The following GSE1 variants were observed in gnomAD, a reference collection of about 807,000 sequenced individuals.
The protein encoded by GSE1 is genetic suppressor element 1.
GSE1 carries 32 observed loss-of-function variants against 112.6 expected under a neutral mutation model. The observed-to-expected ratio is 0.28, with a 90% confidence interval of 0.21 to 0.38. GSE1 has a LOEUF of 0.38. Among genes scored for constraint, GSE1 ranks in the 10% least tolerant of loss-of-function variants. The probability of loss-of-function intolerance (pLI) is 1.00; values close to 1 mark genes in which losing one functional copy is unlikely to be tolerated. For missense variants in GSE1, 2,348 were observed against 1,699.2 expected (o/e 1.38, Z -6.71); for synonymous variants, 1,115 against 735.6 (o/e 1.52, Z -8.35).
chr16:85,507,443 C>T (rs2151924805), intron 2 of GSE1, among the ~76,000 whole-genome samples: 1 of 152,356 alleles, frequency 6.6e-6, no homozygotes, highest in South Asian at 2.1e-4. Flanking sequence ...TTTGGGACCG[C>T]AGGGTTACTC....
chr16:85,397,115 C>T (rs1359356586), intron 2 of GSE1, among the ~76,000 whole-genome samples: 1 of 152,206 alleles, frequency 6.6e-6, no homozygotes, highest in Non-Finnish European at 1.5e-5. Flanking sequence ...GCCCCCTTGC[C>T]CCTGTCCCCC....
At chr16:85,238,910 G>T (rs1352086685) in intron 1 of GSE1, among the ~76,000 whole-genome samples, 3 of 152,058 alleles carry the variant, frequency 2.0e-5, no homozygotes, top group African/African-American at 7.2e-5. Context: ...GCACACCCGG[G>T]CCTGGGGAGG....
At chr16:85,473,158 TATTTGCTGGTCACTGACTGCACC>T (rs1319317415) in intron 2 of GSE1, among the ~76,000 whole-genome samples, 1 of 152,244 alleles carries the variant, frequency 6.6e-6, no homozygotes, top group Non-Finnish European at 1.5e-5. Context: ...TTCCACGGCC[TATTTGCTGGTCACTGACTGCACC>T]ATTTGCTGTC....
chr16:85,287,412 G>A (rs918277127), intron 1 of GSE1, among the ~76,000 whole-genome samples: 16 of 152,078 alleles, frequency 1.1e-4, no homozygotes, highest in Admixed American at 2.0e-4. Flanking sequence ...ATGTCCCTAC[G>A]GTGACTGACA....
At chr16:85,267,238 C>T (rs922071265) in intron 1 of GSE1, among the ~76,000 whole-genome samples, 6 of 152,204 alleles carry the variant, frequency 3.9e-5, no homozygotes, top group African/African-American at 1.4e-4. Flanking sequence ...CCCTCCCCAT[C>T]GGGGTGCCCA....
At chr16:85,585,511 TTGGCACGTGGTTGCC>T (rs2046650993) in intron 1 of GSE1, among the ~76,000 whole-genome samples, 1 of 152,252 alleles carries the variant, frequency 6.6e-6, no homozygotes, top group Non-Finnish European at 1.5e-5. Context: ...AACACTCGCT[TTGGCACGTGGTTGCC>T]TTTGGGGTGT....
chr16:85,236,433 A>G (rs1904672896), intron 1 of GSE1, among the ~76,000 whole-genome samples: 1 of 152,206 alleles, frequency 6.6e-6, no homozygotes, highest in South Asian at 2.1e-4. Flanking sequence ...AAACTCTGAG[A>G]CTTGGGGTCC....
At chr16:85,403,355 A>C (rs923240833) in intron 2 of GSE1, among the ~76,000 whole-genome samples, 1 of 152,200 alleles carries the variant, frequency 6.6e-6, no homozygotes, top group Non-Finnish European at 1.5e-5. Context: ...GGGGCCACCC[A>C]GGGGCATGAC....
chr16:85,181,397 A>G (rs770521126), intron 1 of GSE1, among the ~76,000 whole-genome samples: 104 of 152,346 alleles, frequency 6.8e-4, no homozygotes, highest in Non-Finnish European at 1.2e-3. Flanking sequence ...GAGAGTGGCC[A>G]GTCCAATGCC....
In GSE1 at chr16:85,673,829, A is replaced by T. The variant is rs895423653; in HGVS notation, c.*1290A>T. 6.6e-6 allele frequency: 1 copy of T among 152,166 alleles called. No homozygotes were observed. Among genetic ancestry groups the T allele is most frequent in the Non-Finnish European group, 1.5e-5 (1 of 68,028 alleles). The allele number at this position is 152,166 out of a possible 1,614,324, so 9.4% of individuals were successfully genotyped here. A position where few individuals can be genotyped will look rare whatever the true frequency, so the allele number is the denominator to read the frequency against. ...TTAAAAACCTTTCAGGAAGTCAATG[A>T]TTTCTGTGATTGATATAATTCTAAG... On this transcript the variant is annotated 3_prime_UTR_variant, in exon 16 of 16. Transcript: ENST00000253458.
Position 85,419,645 on chromosome 16 carries a change from T to C in GSE1, c.2464+62002T>C, listed in dbSNP as rs2048783698. 6.6e-6 allele frequency among the ~76,000 whole-genome samples: 1 copy of C among 151,962 alleles called. No individual in the cohort carries two copies. The highest frequency in any genetic ancestry group is 2.4e-5 in the African/African-American group (1 of 41,374). On this transcript the variant is annotated intron_variant, in intron 2 of 2. Coordinates refer to the GSE1 transcript ENST00000637419. The surrounding 1 kb of genome is among the most constrained non-coding windows in gnomAD (Gnocchi z 6.5). Reference sequence around the variant, plus strand: ...AAAAACAAAAAACAAAAAATAACATTATGCCAGAACATGCCAGCCTTTCTC... The same window carrying C: ...AAAAACAAAAAACAAAAAATAACATCATGCCAGAACATGCCAGCCTTTCTC...
chr16:85,590,306 A>G (rs1489232803), intron 1 of GSE1, among the ~76,000 whole-genome samples: 2 of 143,868 alleles, frequency 1.4e-5, no homozygotes, highest in Non-Finnish European at 3.0e-5. Context: ...GTGTGAACGC[A>G]TGGGCCCATG....
intron 2 of GSE1, among the ~76,000 whole-genome samples, chr16:85,506,691 C>G (rs1013618185): frequency 6.6e-6 from 1 of 152,030 alleles, no homozygotes; most frequent in South Asian, 2.1e-4. Flanking sequence ...GGGGCAGCGC[C>G]GTAATCATAA....
chr16:85,369,423 G>A (rs967906624), intron 2 of GSE1, among the ~76,000 whole-genome samples: 1 of 151,996 alleles, frequency 6.6e-6, no homozygotes, highest in African/African-American at 2.4e-5. Flanking sequence ...ACTCTGTTGT[G>A]CAGGCTGGTC....
intron 1 of GSE1, among the ~76,000 whole-genome samples, chr16:85,272,647 G>GC (rs1321290873): frequency 2.0e-5 from 3 of 152,088 alleles, no homozygotes; most frequent in Non-Finnish European, 2.9e-5. Flanking sequence ...ACTGTGGACA[G>GC]CCCCTGGCAG....
At chr16:85,300,683 C>T (rs548728979) in intron 1 of GSE1, among the ~76,000 whole-genome samples, 2 of 152,204 alleles carry the variant, frequency 1.3e-5, no homozygotes, top group Admixed American at 6.5e-5. Flanking sequence ...TGTGTCCTTT[C>T]GTCTGCCAGG....
At chr16:85,671,301 G>C (rs572954693) in intron 15 of GSE1, among the ~76,000 whole-genome samples, 2 of 151,466 alleles carry the variant, frequency 1.3e-5, no homozygotes, top group East Asian at 3.9e-4. Flanking sequence ...TTAGCCGGGC[G>C]TAGTGGCGGG....
rs1464717033 is a variant in GSE1 at position 85,424,525 on chromosome 16, G to C, written c.2464+66882G>C. On this transcript the variant is annotated intron_variant, in intron 2 of 2. Coordinates refer to the GSE1 transcript ENST00000637419. ...CATGCCTCTAGCCCTGCCTGGCCCT[G>C]GGCATGTGCAAGGCTGCCCCTGAGC... Among the ~76,000 whole-genome samples, 21 of 152,338 alleles carry C rather than the reference G, an allele frequency of 1.4e-4. No individual in the cohort carries two copies. The East Asian group carries it at 4.1e-3, about 29-fold the overall frequency.
intron 1 of GSE1, among the ~76,000 whole-genome samples, chr16:85,557,770 A>G (rs1420580438): frequency 1.4e-5 from 2 of 147,230 alleles, no homozygotes; most frequent in African/African-American, 2.7e-5. Context: ...CCAGAGTCCA[A>G]CTGACTTAAA....
Sources: gnomAD v4.1 joint callset for allele counts (sites outside exome capture counted in the v4.1 genomes callset) on GRCh38, gnomAD v4.1.1 for gene constraint, Gnocchi (gnomAD v3.1) non-coding constraint, MANE v1.5 for transcripts, NCBI Gene and HGNC (gene_info 2026-07-23, HGNC 2026-07-21) for gene names.